The following CSMD1 variants were observed in gnomAD, a reference collection of about 807,000 sequenced individuals.
The protein encoded by CSMD1 is CUB and Sushi multiple domains 1, also known as CUB and sushi domain-containing protein 1.
CSMD1 carries 213 observed loss-of-function variants against 417.5 expected under a neutral mutation model. The ratio of observed to expected loss-of-function variants is 0.51; its 90% confidence interval spans 0.46 to 0.57. CSMD1 has a LOEUF of 0.57. Among genes scored for constraint, CSMD1 ranks in the 20% least tolerant of loss-of-function variants. The pLI is 0.00. For synonymous variants in CSMD1, 2,862 were observed against 1,736.8 expected (o/e 1.65, Z -16.11); for missense variants, 6,923 against 4,529.7 (o/e 1.53, Z -15.17).
chr8:4,853,791 C>G (rs1038729452), intron 1 of CSMD1, among the ~76,000 whole-genome samples: 5 of 152,162 alleles, frequency 3.3e-5, no homozygotes, highest in African/African-American at 7.2e-5. Context: ...CACACTGCAC[C>G]CCACAAAGCC....
intron 3 of CSMD1, among the ~76,000 whole-genome samples, chr8:4,184,653 G>T (rs932367509): frequency 6.6e-6 from 1 of 152,088 alleles, no homozygotes; most frequent in East Asian, 1.9e-4. Context: ...GGAGCTAAAG[G>T]AAGACAGATG....
At chr8:4,238,392 G>A (rs552655675) in intron 3 of CSMD1, among the ~76,000 whole-genome samples, 9 of 152,062 alleles carry the variant, frequency 5.9e-5, no homozygotes, top group East Asian at 1.9e-4. Flanking sequence ...TGCTAACTCC[G>A]CCCTGAGCAC....
chr8:4,643,376 AT>A (rs1803325261), intron 1 of CSMD1, among the ~76,000 whole-genome samples: 1 of 152,314 alleles, frequency 6.6e-6, no homozygotes, highest in Middle Eastern at 3.4e-3. Flanking sequence ...TGACAGGCAG[AT>A]TTTTGACCTC....
At chr8:3,308,527 T>G in intron 23 of CSMD1, 24 bp from the exon 24 acceptor site, 1 of 1,588,120 alleles carries the variant, frequency 6.3e-7, no homozygotes, top group South Asian at 1.1e-5. Context: ...AGGCAAGGAA[T>G]GAACAGAACT....
chr8:4,322,396 C>G (rs1799320753), intron 3 of CSMD1, among the ~76,000 whole-genome samples: 1 of 152,102 alleles, frequency 6.6e-6, no homozygotes, highest in South Asian at 2.1e-4. Flanking sequence ...GCAAAAGCAT[C>G]TCACCTATTA....
chr8:3,227,258 G>A (rs191257696), intron 27 of CSMD1, among the ~76,000 whole-genome samples: 24 of 152,046 alleles, frequency 1.6e-4, no homozygotes, highest in East Asian at 9.7e-4. Context: ...AAAATTAGCC[G>A]GGCTTGGTGG....
At chr8:3,021,820 C>G (rs1414896021) in intron 51 of CSMD1, among the ~76,000 whole-genome samples, 2 of 150,854 alleles carry the variant, frequency 1.3e-5, no homozygotes, top group African/African-American at 4.9e-5. Flanking sequence ...CGCAATCCCA[C>G]AGCATCCGGA....
chr8:3,375,613 ACCAAAAG>A (rs1195902221), intron 18 of CSMD1, among the ~76,000 whole-genome samples: 1 of 152,090 alleles, frequency 6.6e-6, no homozygotes, highest in Non-Finnish European at 1.5e-5. Flanking sequence ...GAAACTTTCC[ACCAAAAG>A]GAATCTTGTG....
intron 5 of CSMD1, among the ~76,000 whole-genome samples, chr8:3,893,193 C>T (rs898080864): frequency 2.0e-5 from 3 of 151,272 alleles, no homozygotes; most frequent in African/African-American, 4.9e-5. Flanking sequence ...TCCCAGGGCA[C>T]GTCAGAAATA....
In CSMD1 at chr8:4,949,976, GT is replaced by G. The variant is rs1486328748; in HGVS notation, c.85+44355del. Among the ~76,000 whole-genome samples, 37 of 152,098 alleles carry G rather than the reference GT, an allele frequency of 2.4e-4. 1 individual carries two copies. Among genetic ancestry groups the G allele is most frequent in the African/African-American group, 8.7e-4 (36 of 41,404 alleles). ...AATATTTTAAACAGTTAATGCAAATGTTTTTTATCTAATTGGTCACGACTAT... is the reference window on the plus strand; with the variant it reads ...AATATTTTAAACAGTTAATGCAAATGTTTTTATCTAATTGGTCACGACTAT... On this transcript the variant is annotated intron_variant, in intron 1 of 69. Coordinates refer to ENST00000635120, the MANE Select transcript of CSMD1 (RefSeq NM_033225.6).
intron 21 of CSMD1, among the ~76,000 whole-genome samples, chr8:3,351,877 T>C (rs1432059967): frequency 1.3e-5 from 2 of 151,908 alleles, no homozygotes; most frequent in African/African-American, 2.4e-5. Context: ...TAACATAGAA[T>C]CACATTTTTA....
At chr8:3,748,799 A>C (rs948721883) in intron 6 of CSMD1, among the ~76,000 whole-genome samples, 3 of 152,246 alleles carry the variant, frequency 2.0e-5, no homozygotes, top group Admixed American at 2.0e-4. Flanking sequence ...TTTTAATTAA[A>C]AGGGAAAATC....
At chr8:4,132,206 T>C (rs1375588551) in intron 3 of CSMD1, among the ~76,000 whole-genome samples, 1 of 43,726 alleles carries the variant, frequency 2.3e-5, no homozygotes, top group Admixed American at 3.6e-4. Context: ...TTTTTTTTTT[T>C]TTTTTTTTTC....
chr8:4,607,646 A>C (rs1412698321), intron 2 of CSMD1, among the ~76,000 whole-genome samples: 4 of 152,168 alleles, frequency 2.6e-5, no homozygotes, highest in South Asian at 2.1e-4. Context: ...TGGTGTAAAA[A>C]TGGATGGCAC....
intron 3 of CSMD1, among the ~76,000 whole-genome samples, chr8:4,154,141 G>A (rs1796708659): frequency 6.6e-6 from 1 of 152,158 alleles, no homozygotes; most frequent in South Asian, 2.1e-4. Context: ...AGCTGAGGGT[G>A]AGATATACAA....
At chr8:4,820,668 T>A (rs1198023420) in intron 1 of CSMD1, among the ~76,000 whole-genome samples, 2 of 152,280 alleles carry the variant, frequency 1.3e-5, no homozygotes, top group Non-Finnish European at 1.5e-5. Flanking sequence ...TGCTTTGCCA[T>A]CATTCAAATG....
intron 5 of CSMD1, among the ~76,000 whole-genome samples, chr8:3,923,157 G>A (rs994904221): frequency 6.6e-5 from 10 of 152,112 alleles, no homozygotes; most frequent in African/African-American, 2.4e-4. Context: ...CCACGCCGAA[G>A]CTTCATGAGA....
intron 3 of CSMD1, among the ~76,000 whole-genome samples, chr8:4,398,698 C>G (rs1021928873): frequency 3.3e-5 from 5 of 152,094 alleles, no homozygotes; most frequent in African/African-American, 4.8e-5. Context: ...CCCGGCCACT[C>G]TGCAACATTT....
intron 6 of CSMD1, among the ~76,000 whole-genome samples, chr8:3,718,984 G>C (rs919810696): frequency 2.6e-5 from 4 of 152,138 alleles, no homozygotes; most frequent in Non-Finnish European, 5.9e-5. Flanking sequence ...CGCAAAGGGG[G>C]AGGCAGAACA....
Sources: allele counts gnomAD v4.1 joint callset (sites outside exome capture counted in the v4.1 genomes callset), GRCh38; gene constraint gnomAD v4.1.1; transcripts MANE v1.5; gene names NCBI Gene and HGNC (gene_info 2026-07-23, HGNC 2026-07-21).